The following INPP4B variants were observed in gnomAD, a reference collection of about 807,000 sequenced individuals.
INPP4B encodes the protein inositol polyphosphate 4-phosphatase type II.
A neutral mutation model predicts 122.5 loss-of-function variants in INPP4B; 55 were observed. The observed-to-expected ratio is 0.45, with a 90% CI of 0.36 to 0.56. The LOEUF is 0.56. Ranked by LOEUF, INPP4B falls within the 20% of genes least tolerant of loss-of-function variation. The probability of loss-of-function intolerance (pLI) is 0.00; values close to 1 mark genes in which losing one functional copy is unlikely to be tolerated. For synonymous variants in INPP4B, 403 were observed against 388.7 expected, an observed-to-expected ratio of 1.04 and a Z score of -0.43; for missense variants, 1,000 against 1,097.7, an observed-to-expected ratio of 0.91 and a Z score of 1.26.
chr4:142,821,413 A>G (rs1392508590), intron 1 of INPP4B, among the ~76,000 whole-genome samples: 2 of 152,026 alleles, frequency 1.3e-5, no homozygotes, highest in Non-Finnish European at 2.9e-5. Context: ...TTGGAGGACA[A>G]AGTTCTTTCT....
Position 142,450,771 on chromosome 4 carries a change from C to G in INPP4B, c.-127+11892G>C, listed in dbSNP as rs1813969389. The stretch of plus-strand genomic sequence containing the variant: ...GATCCACTTACTAATTGGAGAAACA[C>G]AGATGTGTACTGGAGTCTCCAATTC... On this transcript the variant is annotated intron_variant, in intron 3 of 25. Transcript: ENST00000262992. 2.0e-5 allele frequency among the ~76,000 whole-genome samples: 3 copies of G among 152,140 alleles called. No homozygotes were observed. In the South Asian group the frequency reaches 6.2e-4, roughly 31 times the overall value.
chr4:142,176,258 G>T (rs1266250358), intron 15 of INPP4B, among the ~76,000 whole-genome samples: 2 of 151,224 alleles, frequency 1.3e-5, no homozygotes, highest in African/African-American at 4.9e-5. Context: ...ATTTACATTA[G>T]GTATATCTCC....
At chr4:142,568,793 G>T (rs1732187083) in intron 2 of INPP4B, among the ~76,000 whole-genome samples, 1 of 152,070 alleles carries the variant, frequency 6.6e-6, no homozygotes. Flanking sequence ...AAGCAGAATT[G>T]CTTCTCTGTT....
chr4:142,253,148 G>T (rs1160179480), intron 11 of INPP4B, among the ~76,000 whole-genome samples: 3 of 152,098 alleles, frequency 2.0e-5, no homozygotes, highest in Admixed American at 1.3e-4. Context: ...ATTAAAAATG[G>T]TACACCTGTA....
intron 23 of INPP4B, among the ~76,000 whole-genome samples, chr4:142,093,257 C>T (rs1430560147): frequency 6.6e-6 from 1 of 152,128 alleles, no homozygotes; most frequent in East Asian, 1.9e-4. Flanking sequence ...CCTCCAGATG[C>T]CTCCAGTTCT....
intron 25 of INPP4B, chr4:142,029,847 T>C (rs1159102573): frequency 1.1e-5 from 12 of 1,066,936 alleles, no homozygotes; most frequent in Non-Finnish European, 1.3e-5. Flanking sequence ...AACTTCAAGC[T>C]TTCAGGATTC....
chr4:142,374,131 G>T (rs1459406891), intron 7 of INPP4B, among the ~76,000 whole-genome samples: 1 of 151,900 alleles, frequency 6.6e-6, no homozygotes, highest in African/African-American at 2.4e-5. Flanking sequence ...ATCTCATTTT[G>T]TCCTTACAAC....
intron 2 of INPP4B, among the ~76,000 whole-genome samples, chr4:142,665,681 T>C (rs1323867418): frequency 1.3e-5 from 2 of 152,084 alleles, no homozygotes; most frequent in African/African-American, 2.4e-5. Flanking sequence ...CTGTATGCCA[T>C]TGAAAATATT....
At chr4:142,746,795 G>A (rs995146573) in intron 1 of INPP4B, among the ~76,000 whole-genome samples, 11 of 152,092 alleles carry the variant, frequency 7.2e-5, no homozygotes, top group African/African-American at 2.4e-5. Context: ...TTAAACAAAG[G>A]TGTTGAGAAA....
At chr4:142,090,152 C>T (rs996591908) in intron 23 of INPP4B, among the ~76,000 whole-genome samples, 189 of 152,240 alleles carry the variant, frequency 1.2e-3, no homozygotes, top group African/African-American at 4.2e-3. Context: ...TATAAGAATC[C>T]TAAATGTAAA....
intron 7 of INPP4B, among the ~76,000 whole-genome samples, chr4:142,327,161 T>C (rs541649213): frequency 8.7e-4 from 133 of 152,084 alleles, no homozygotes; most frequent in Non-Finnish European, 1.7e-3. Context: ...ATTAAGACTA[T>C]AGTCATGAGT....
At chr4:142,152,738 G>T (rs989584455) in intron 17 of INPP4B, among the ~76,000 whole-genome samples, 1 of 152,074 alleles carries the variant, frequency 6.6e-6, no homozygotes, top group African/African-American at 2.4e-5. Context: ...GGACGACAAG[G>T]TGTCTGCCAC....
At chr4:142,073,888 T>C (rs985479268) in intron 25 of INPP4B, among the ~76,000 whole-genome samples, 3 of 152,074 alleles carry the variant, frequency 2.0e-5, no homozygotes, top group African/African-American at 7.2e-5. Context: ...TAGTTCTTGC[T>C]ACACCTCATT....
At chr4:142,178,294 A>C (rs1480603705) in intron 15 of INPP4B, among the ~76,000 whole-genome samples, 3 of 152,162 alleles carry the variant, frequency 2.0e-5, no homozygotes, top group Non-Finnish European at 4.4e-5. Flanking sequence ...CACTTATTGC[A>C]ACCACCCCAA....
intron 2 of INPP4B, among the ~76,000 whole-genome samples, chr4:142,534,317 G>C (rs1164007831): frequency 3.3e-5 from 5 of 152,078 alleles, no homozygotes; most frequent in African/African-American, 1.2e-4. Context: ...TTAATCCCCA[G>C]TGCAACAGTA....
chr4:142,810,420 A>G (rs986127759), intron 1 of INPP4B, among the ~76,000 whole-genome samples: 1 of 152,154 alleles, frequency 6.6e-6, no homozygotes, highest in African/African-American at 2.4e-5. Flanking sequence ...TTCCTGTGGT[A>G]TCAGCATTTT....
intron 2 of INPP4B, among the ~76,000 whole-genome samples, chr4:142,629,732 G>A (rs1398222766): frequency 6.6e-6 from 1 of 152,138 alleles, no homozygotes; most frequent in Non-Finnish European, 1.5e-5. Flanking sequence ...AAAATACAAT[G>A]TTGGAAGCAG....
chr4:142,413,083 C>T (rs2149256568), intron 5 of INPP4B, among the ~76,000 whole-genome samples: 1 of 152,292 alleles, frequency 6.6e-6, no homozygotes, highest in East Asian at 1.9e-4. Context: ...AAGGACCATG[C>T]ATCGCTGCCA....
At chr4:142,463,477 C>T (rs1178861127) in intron 2 of INPP4B, among the ~76,000 whole-genome samples, 1 of 152,142 alleles carries the variant, frequency 6.6e-6, no homozygotes. Flanking sequence ...GGAGTTTGTT[C>T]CTAAACTTTG....
Sources: gnomAD v4.1 joint callset for allele counts (sites outside exome capture counted in the v4.1 genomes callset) on GRCh38, gnomAD v4.1.1 for gene constraint, MANE v1.5 for transcripts, NCBI Gene and HGNC (gene_info 2026-07-23, HGNC 2026-07-21) for gene names.